Variants in PCDHB7 observed in about 807,000 individuals in gnomAD.
The protein encoded by PCDHB7 is protocadherin beta-7.
For synonymous variants in PCDHB7, 542 were observed against 463.1 expected (o/e 1.17, Z -2.19); for missense variants, 1,148 against 1,011.6 (o/e 1.13, Z -1.83).
In PCDHB7 at chr5:141,174,812, C is replaced by G; in HGVS notation, c.1977C>G (p.His659Gln). Residue 659 changes from histidine to glutamine, a missense_variant, in exon 1 of 1, where the codon CAC becomes CAG. Transcript: ENST00000231137. ...CGCGCTCGGCCACCGCCACGCTGCACGTGCTCCTGGTGGACGGCTTCTCCC... is the reference window on the plus strand; with the variant it reads ...CGCGCTCGGCCACCGCCACGCTGCAGGTGCTCCTGGTGGACGGCTTCTCCC... ...EPPRSATATL[H>Q]VLLVDGFSQP... The G allele has an allele frequency of 1.2e-6, 2 of 1,612,002 alleles. No individual in the cohort carries two copies. The highest frequency in any genetic ancestry group is 2.2e-5 in the South Asian group (2 of 91,004).
chr5:141,174,256 G>T lies in PCDHB7; in HGVS notation c.1421G>T (p.Ser474Ile). Residue 474 changes from serine (S) to isoleucine (I), a missense_variant, in exon 1 of 1, where the codon AGC becomes ATC. Transcript: ENST00000231137. ...CCCGCCCTGCCCATCGGCAGTGTCAGCGCCACAGACAGAGACTCGGGCACC... is the reference window on the plus strand; with the variant it reads ...CCCGCCCTGCCCATCGGCAGTGTCATCGCCACAGACAGAGACTCGGGCACC... ...NSPALPIGSV[S>I]ATDRDSGTNA... 1 of 1,612,606 alleles carries T rather than the reference G, an allele frequency of 6.2e-7. No homozygotes were observed. Among genetic ancestry groups the T allele is most frequent in the Non-Finnish European group, 8.5e-7 (1 of 1,179,616 alleles).
chr5:141,174,661 C>G lies in PCDHB7; in HGVS notation c.1826C>G (p.Ala609Gly). 6.2e-7 allele frequency: 1 copy of G among 1,610,412 alleles called. No individual in the cohort carries two copies. The highest frequency in any genetic ancestry group is 8.5e-7 in the Non-Finnish European group (1 of 1,179,754). The part of the protein sequence containing the change: ...NAWLSYQLLK[A>G]TEPGLFGVWA... ...TGGCTGTCGTACCAGCTGCTCAAGGCCACGGAGCCCGGGCTATTCGGCGTG... is the reference window on the plus strand; with the variant it reads ...TGGCTGTCGTACCAGCTGCTCAAGGGCACGGAGCCCGGGCTATTCGGCGTG... The change falls in exon 1 of 1, where the codon GCC becomes GGC. Residue 609 changes from alanine (A) to glycine (G), a missense_variant. Ala to Gly is a moderately conservative substitution (Grantham distance 60). Coordinates refer to ENST00000231137, the MANE Select transcript of PCDHB7 (RefSeq NM_018940.4).
Position 141,173,807 on chromosome 5 carries a change from C to T in PCDHB7, c.972C>T (p.Gly324=), listed in dbSNP as rs754071135. The stretch of plus-strand genomic sequence containing the variant: ...CATTAACTATTCAGGCCAAAGACGG[C>T]GGCGGGCTTTCTGGAAAATGCACTG... ...TYTLTIQAKD[G]GGLSGKCTVV... Residue 324 remains glycine (G), a synonymous_variant, in exon 1 of 1, where the codon GGC becomes GGT. Coordinates refer to ENST00000231137, the MANE Select transcript of PCDHB7 (RefSeq NM_018940.4). The T allele has an allele frequency of 5.6e-6, 9 of 1,614,128 alleles. No individual in the cohort carries two copies. The Admixed American group carries it at 1.0e-4, about 18-fold the overall frequency.
rs1483251017 is a variant in PCDHB7 at position 141,172,994 on chromosome 5, G to A, written c.159G>A (p.Gly53=). ...TFLTNLAKDL[G]LGVGELRARG... ...TTACCAACTTGGCAAAAGACCTAGG[G>A]TTAGGGGTAGGGGAACTGAGAGCCC... The change falls in exon 1 of 1, where the codon GGG becomes GGA. Residue 53 remains glycine, a synonymous_variant. Coordinates refer to ENST00000231137, the MANE Select transcript of PCDHB7 (RefSeq NM_018940.4). The A allele has an allele frequency of 1.2e-6, 2 of 1,614,062 alleles. No individual in the cohort carries two copies. The highest frequency in any genetic ancestry group is 1.7e-6 in the Non-Finnish European group (2 of 1,179,976).
chr5:141,173,085 C>T lies in PCDHB7; in HGVS notation c.250C>T (p.Leu84=). 6.2e-7 allele frequency: 1 copy of T among 1,614,190 alleles called. No individual in the cohort carries two copies. The highest frequency in any genetic ancestry group is 8.5e-7 in the Non-Finnish European group (1 of 1,180,036). ...ILLLSSLTGD[L]LLNEKLDREE... ...ACTGCTCAGTTCGCTTACTGGTGAT[C>T]TACTTCTAAATGAGAAATTGGACCG... is the stretch of plus-strand genomic sequence containing the variant. The change falls in exon 1 of 1, where the codon CTA becomes TTA. Residue 84 remains leucine (L), a synonymous_variant. Coordinates refer to ENST00000231137, the MANE Select transcript of PCDHB7 (RefSeq NM_018940.4).
At position 141,175,401 on chromosome 5, in the gene PCDHB7, G is replaced by A. The variant is rs1471839559; in HGVS notation, c.*184G>A. ...AAGAACCCTTCACAAAGCATGAAATGTATATGTGTAATGTTTTATGTCAAA... is the reference window on the plus strand; with the variant it reads ...AAGAACCCTTCACAAAGCATGAAATATATATGTGTAATGTTTTATGTCAAA... On this transcript the variant is annotated 3_prime_UTR_variant, in exon 1 of 1. Transcript: ENST00000231137. 160 of 720,534 alleles carry A rather than the reference G, an allele frequency of 2.2e-4. No individual in the cohort carries two copies. In the African/African-American group the frequency reaches 2.8e-3, roughly 12 times the overall value. The allele number at this position is 720,534 out of a possible 1,614,324, so 44.6% of individuals were successfully genotyped here.
chr5:141,175,278 G>A lies in PCDHB7; in HGVS notation c.*61G>A, dbSNP rs1423241049. ...GTTTCTGATTAGGAACTTATTGCGA[G>A]GTTCCCTTAAGGGAGTGTCTTTACA... On this transcript the variant is annotated 3_prime_UTR_variant, in exon 1 of 1. Coordinates refer to ENST00000231137, the MANE Select transcript of PCDHB7 (RefSeq NM_018940.4). 2.7e-6 allele frequency: 4 copies of A among 1,485,766 alleles called. No individual in the cohort carries two copies. Among genetic ancestry groups the A allele is most frequent in the Admixed American group, 2.0e-5 (1 of 50,032 alleles). 92.0% of individuals were successfully genotyped at this position (1,485,766 alleles called of 1,614,324 possible).
chr5:141,173,971 G>A lies in PCDHB7; in HGVS notation c.1136G>A (p.Gly379Glu), dbSNP rs781938204. ...RIRDRDSGNN[G>E]KTVCSIQDDV... The stretch of plus-strand genomic sequence containing the variant: ...AGAGACAGAGATTCCGGGAACAATG[G>A]AAAGACAGTGTGCTCCATCCAGGAC... The change falls in exon 1 of 1, where the codon GGA (glycine) becomes GAA (glutamate). Residue 379 changes from glycine to glutamate, a missense_variant. Transcript: ENST00000231137. The A allele has an allele frequency of 3.1e-6, 5 of 1,613,998 alleles. No individual in the cohort carries two copies. The highest frequency in any genetic ancestry group is 1.7e-5 in the Admixed American group (1 of 60,002).
chr5:141,174,345 G>T lies in PCDHB7; in HGVS notation c.1510G>T (p.Val504Phe). The change falls in exon 1 of 1, where the codon GTC becomes TTC. Residue 504 changes from valine to phenylalanine, a missense_variant. By Grantham distance (50) the Val-to-Phe change is conservative. Transcript: ENST00000231137. ...CCCGCACCTGCCCCTCGCCTCCCTG[G>T]TCTCCATCAACGCGGACAACGGCCA... ...QDPHLPLASL[V>F]SINADNGHLF... 6.2e-7 allele frequency: 1 copy of T among 1,612,894 alleles called. No homozygotes were observed. The highest frequency in any genetic ancestry group is 8.5e-7 in the Non-Finnish European group (1 of 1,179,892).
At position 141,175,154 on chromosome 5, in the gene PCDHB7, A is replaced by G; in HGVS notation, c.2319A>G (p.Leu773=). The G allele has an allele frequency of 1.2e-6, 2 of 1,613,932 alleles. No homozygotes were observed. Among genetic ancestry groups the G allele is most frequent in the Non-Finnish European group, 1.7e-6 (2 of 1,179,914 alleles). ...KFLKPIIPNL[L]PQSTGREVEE... ...TGAAACCAATTATCCCCAACCTGCTACCCCAGAGCACAGGCAGGGAAGTGG... is the reference window on the plus strand; with the variant it reads ...TGAAACCAATTATCCCCAACCTGCTGCCCCAGAGCACAGGCAGGGAAGTGG... Residue 773 remains leucine, a synonymous_variant, in exon 1 of 1, where the codon CTA becomes CTG. Transcript: ENST00000231137.
chr5:141,175,337 T>A lies in PCDHB7; in HGVS notation c.*120T>A. ...AATATGTACTCTTGAAGTCAAGCAATAAATTTCTATACATAAAATAGGATC... is the reference window on the plus strand; with the variant it reads ...AATATGTACTCTTGAAGTCAAGCAAAAAATTTCTATACATAAAATAGGATC... On this transcript the variant is annotated 3_prime_UTR_variant, in exon 1 of 1. Transcript: ENST00000231137. The A allele has an allele frequency of 9.3e-7, 1 of 1,069,612 alleles. No individual in the cohort carries two copies. Among genetic ancestry groups the A allele is most frequent in the Non-Finnish European group, 1.3e-6 (1 of 755,522 alleles). 66.3% of individuals were successfully genotyped at this position (1,069,612 alleles called of 1,614,324 possible).
rs782200287 is a variant in PCDHB7, at chr5:141,175,049, C to A, written c.2214C>A (p.Ser738Arg). Residue 738 changes from serine to arginine, a missense_variant, in exon 1 of 1, where the codon AGC becomes AGA. By Grantham distance (110) the Ser-to-Arg change is moderately radical. Transcript: ENST00000231137. Reference sequence around the variant, plus strand: ...TTCCACGACATCTGGTGGACTTGAGCGGCACCGGGACCCTATCCCAGAGCT... The same window carrying A: ...TTCCACGACATCTGGTGGACTTGAGAGGCACCGGGACCCTATCCCAGAGCT... ...GPFPRHLVDL[S>R]GTGTLSQSYQ... 1.2e-6 allele frequency: 2 copies of A among 1,614,176 alleles called. No homozygotes were observed. The highest frequency in any genetic ancestry group is 1.7e-6 in the Non-Finnish European group (2 of 1,180,022).
At position 141,175,197 on chromosome 5, in the gene PCDHB7, C is replaced by A. The variant is rs1444177824; in HGVS notation, c.2362C>A (p.Gln788Lys). The A allele has an allele frequency of 6.2e-7, 1 of 1,605,548 alleles. No individual in the cohort carries two copies. Among genetic ancestry groups the A allele is most frequent in the African/African-American group, 1.3e-5 (1 of 74,342 alleles). The stretch of plus-strand genomic sequence containing the variant: ...GGAAGTGGAAGAAAATCGCCCATTT[C>A]AGAATAATTTGGGTTTCTGATAAAG... ...GREVEENRPF[Q>K]NNLGF Residue 788 changes from glutamine (Q) to lysine (K), a missense_variant, in exon 1 of 1, where the codon CAG becomes AAG. Transcript: ENST00000231137.
rs781876952 is a variant in PCDHB7 at position 141,173,262 on chromosome 5, T to C, written c.427T>C (p.Leu143=). 6 of 1,614,152 alleles carry C rather than the reference T, an allele frequency of 3.7e-6. No individual in the cohort carries two copies. The South Asian group carries it at 5.5e-5, about 15-fold the overall frequency. Residue 143 remains leucine, a synonymous_variant, in exon 1 of 1, where the codon TTA becomes CTA. Transcript: ENST00000231137. The part of the protein sequence containing the change: ...FLDREISLKI[L]ESTTPGAAFL... Reference sequence around the variant, plus strand: ...AGACAGAGAGATTTCCTTGAAAATATTAGAAAGTACCACTCCAGGGGCGGC... The same window carrying C: ...AGACAGAGAGATTTCCTTGAAAATACTAGAAAGTACCACTCCAGGGGCGGC...
At position 141,176,091 on chromosome 5, in the gene PCDHB7, G is replaced by GA. The variant is rs1753375678; in HGVS notation, c.*880dup. The GA allele has an allele frequency of 6.0e-6, 1 of 167,128 alleles. No individual in the cohort carries two copies. The highest frequency in any genetic ancestry group is 2.1e-4 in the South Asian group (1 of 4,834). The allele number at this position is 167,128 out of a possible 1,614,324, so 10.4% of individuals were successfully genotyped here. Reference sequence around the variant, plus strand: ...CAGAACATATGACTTTCATTTCCCAGAAAAAAGATTAATGGTCCTGAGTAG... The same window carrying GA: ...CAGAACATATGACTTTCATTTCCCAGAAAAAAAGATTAATGGTCCTGAGTAG... On this transcript the variant is annotated 3_prime_UTR_variant, in exon 1 of 1. Coordinates refer to ENST00000231137, the MANE Select transcript of PCDHB7 (RefSeq NM_018940.4).
In PCDHB7 at chr5:141,175,854, A is replaced by G. The variant is rs565665141; in HGVS notation, c.*637A>G. 3.0e-5 allele frequency: 5 copies of G among 167,570 alleles called. No individual in the cohort carries two copies. In the East Asian group the frequency reaches 9.6e-4, roughly 32 times the overall value. The allele number at this position is 167,570 out of a possible 1,614,324, so 10.4% of individuals were successfully genotyped here. A position where few individuals can be genotyped will look rare whatever the true frequency, so the allele number is the denominator to read the frequency against. Reference sequence around the variant, plus strand: ...CACCTGGCAAGTTTCTGCCTAATTAAGGAGAAGTCTTTTATCATATTTATA... The same window carrying G: ...CACCTGGCAAGTTTCTGCCTAATTAGGGAGAAGTCTTTTATCATATTTATA... On this transcript the variant is annotated 3_prime_UTR_variant, in exon 1 of 1. Coordinates refer to ENST00000231137, the MANE Select transcript of PCDHB7 (RefSeq NM_018940.4).
Position 141,174,286 on chromosome 5 carries a change from C to G in PCDHB7, c.1451C>G (p.Ala484Gly). 2 of 1,612,480 alleles carry G rather than the reference C, an allele frequency of 1.2e-6. No homozygotes were observed. Among genetic ancestry groups the G allele is most frequent in the Non-Finnish European group, 1.7e-6 (2 of 1,179,610 alleles). Residue 484 changes from alanine to glycine, a missense_variant, in exon 1 of 1, where the codon GCC becomes GGC. By Grantham distance (60) the Ala-to-Gly change is moderately conservative. Coordinates refer to ENST00000231137, the MANE Select transcript of PCDHB7 (RefSeq NM_018940.4). Reference protein sequence around the residue: ...SATDRDSGTNAQVIYSLLPSQ... With the variant: ...SATDRDSGTNGQVIYSLLPSQ... ...ACAGACAGAGACTCGGGCACCAACG[C>G]CCAGGTCATCTACTCCCTGCTGCCG...
Position 141,173,951 on chromosome 5 carries a change from C to A in PCDHB7, c.1116C>A (p.Asp372Glu). Residue 372 changes from aspartate (D) to glutamate (E), a missense_variant, in exon 1 of 1, where the codon GAC (aspartate) becomes GAA (glutamate). Physicochemically the swap from Asp to Glu is conservative, Grantham distance 45. Coordinates refer to ENST00000231137, the MANE Select transcript of PCDHB7 (RefSeq NM_018940.4). ...ETVVAVFRIR[D>E]RDSGNNGKTV... The stretch of plus-strand genomic sequence containing the variant: ...TCGTGGCTGTTTTTAGGATTAGAGA[C>A]AGAGATTCCGGGAACAATGGAAAGA... 1 of 1,613,660 alleles carries A rather than the reference C, an allele frequency of 6.2e-7. No homozygotes were observed. The highest frequency in any genetic ancestry group is 8.5e-7 in the Non-Finnish European group (1 of 1,179,682).
rs1554280142 is a variant in PCDHB7, at chr5:141,174,070, A to G, written c.1235A>G (p.Glu412Gly). The G allele has an allele frequency of 3.1e-6, 5 of 1,614,036 alleles. No individual in the cohort carries two copies. The highest frequency in any genetic ancestry group is 3.4e-6 in the Non-Finnish European group (4 of 1,179,924). The change falls in exon 1 of 1, where the codon GAG becomes GGG. Residue 412 changes from glutamate to glycine, a missense_variant. Physicochemically the swap from Glu to Gly is moderately conservative, Grantham distance 98. Coordinates refer to ENST00000231137, the MANE Select transcript of PCDHB7 (RefSeq NM_018940.4). ...TLVTEKPLDR[E>G]RNTEYNITIT... ...GTAACAGAGAAACCTTTGGATCGAGAGAGGAACACTGAGTACAACATCACC... is the reference window on the plus strand; with the variant it reads ...GTAACAGAGAAACCTTTGGATCGAGGGAGGAACACTGAGTACAACATCACC...
Sources: gnomAD v4.1 joint callset for allele counts on GRCh38, gnomAD v4.1.1 for gene constraint, MANE v1.5 for transcripts, NCBI Gene and HGNC (gene_info 2026-07-23, HGNC 2026-07-21) for gene names.